NR2F1-AS1: variants seen among roughly 807,000 people sequenced by gnomAD.
NR2F1-AS1 encodes the protein NR2F1 regulatory antisense RNA 1, also known as NR2F1 antisense RNA 1.
chr5:93,523,418 G>A (rs1751545519), intron 4 of NR2F1-AS1, among the ~76,000 whole-genome samples: 3 of 152,204 alleles, frequency 2.0e-5, no homozygotes, highest in Non-Finnish European at 4.4e-5. Context: ...AGCTGTGGGT[G>A]CAGCTTCAGC....
intron 1 of NR2F1-AS1, among the ~76,000 whole-genome samples, chr5:93,572,206 T>C (rs1009323708): frequency 2.0e-5 from 3 of 152,200 alleles, no homozygotes; most frequent in Non-Finnish European, 4.4e-5. Context: ...CACGCGCACG[T>C]ACACACACTC....
At chr5:93,503,309 C>T (rs984700198) in intron 4 of NR2F1-AS1, among the ~76,000 whole-genome samples, 24 of 152,104 alleles carry the variant, frequency 1.6e-4, no homozygotes, top group African/African-American at 4.8e-4. Flanking sequence ...AACTGTTTCC[C>T]AGTAACCATA....
At chr5:93,572,010 A>C (rs566545997) in intron 1 of NR2F1-AS1, among the ~76,000 whole-genome samples, 1 of 152,288 alleles carries the variant, frequency 6.6e-6, no homozygotes, top group South Asian at 2.1e-4. Flanking sequence ...TGAGGAGAAA[A>C]CGGTAAGCGG....
At chr5:93,500,643 A>ATT (rs986230507) in intron 4 of NR2F1-AS1, among the ~76,000 whole-genome samples, 12 of 151,640 alleles carry the variant, frequency 7.9e-5, no homozygotes, top group African/African-American at 2.9e-4. Context: ...GTCTTACTAA[A>ATT]TTTTTTTTTC....
At chr5:93,420,458 T>C (rs542441587) in intron 4 of NR2F1-AS1, among the ~76,000 whole-genome samples, 16 of 152,256 alleles carry the variant, frequency 1.1e-4, no homozygotes, top group Admixed American at 3.3e-4. Context: ...TTAGCATATC[T>C]GGGGTGGCTG....
chr5:93,460,166 A>C (rs1580244098), intron 4 of NR2F1-AS1, among the ~76,000 whole-genome samples: 1 of 152,200 alleles, frequency 6.6e-6, no homozygotes, highest in East Asian at 1.9e-4. Flanking sequence ...AAGAAGATGC[A>C]AAGAAACAAC....
upstream of NR2F1-AS1, chr5:93,583,976 T>G (rs1200073234): frequency 6.6e-6 from 1 of 152,020 alleles, no homozygotes; most frequent in Non-Finnish European, 1.5e-5. Context: ...AAGTGTGTGA[T>G]CTTCCTCGCC....
intron 4 of NR2F1-AS1, among the ~76,000 whole-genome samples, chr5:93,548,493 T>A (rs1456334053): frequency 1.3e-5 from 2 of 152,172 alleles, no homozygotes; most frequent in East Asian, 3.8e-4. Flanking sequence ...TGGCATTATT[T>A]TACAGCTCCA....
chr5:93,425,044 T>A lies in NR2F1-AS1; in HGVS notation n.639-29502A>T, dbSNP rs1178826006. On this transcript the variant is annotated intron_variant and non_coding_transcript_variant, in intron 4 of 5. Coordinates refer to ENST00000660523, the Ensembl canonical transcript of NR2F1-AS1. ...GTACGCTACATATAAATTCTGTGTATCAGCTTTGCTGAAAAACAAAACACC... is the reference window on the plus strand; with the variant it reads ...GTACGCTACATATAAATTCTGTGTAACAGCTTTGCTGAAAAACAAAACACC... Among the ~76,000 whole-genome samples the A allele has an allele frequency of 2.0e-5, 3 of 152,212 alleles. No homozygotes were observed. In the East Asian group the frequency reaches 5.8e-4, roughly 29 times the overall value.
chr5:93,455,832 TACACACACACGCACACACACACACAC>T (rs940957984), intron 4 of NR2F1-AS1, among the ~76,000 whole-genome samples: 1 of 144,486 alleles, frequency 6.9e-6, no homozygotes, highest in Non-Finnish European at 1.5e-5. Flanking sequence ...CCATGTTAAC[TACACACACACGCACACACACACACAC>T]ACACACACCT....
chr5:93,565,820 T>C (rs777645219), intron 1 of NR2F1-AS1, among the ~76,000 whole-genome samples: 3 of 151,702 alleles, frequency 2.0e-5, no homozygotes, highest in Non-Finnish European at 2.9e-5. Context: ...AAAAAAAGCG[T>C]AATGTGCTAA....
chr5:93,558,389 C>T (rs374712117), intron 2 of NR2F1-AS1, among the ~76,000 whole-genome samples: 46 of 150,706 alleles, frequency 3.1e-4, no homozygotes, highest in East Asian at 1.2e-3. Flanking sequence ...GGTGCAATCT[C>T]GGCTCACTGC....
chr5:93,489,396 G>C (rs568987687), intron 4 of NR2F1-AS1, among the ~76,000 whole-genome samples: 2 of 151,970 alleles, frequency 1.3e-5, no homozygotes, highest in African/African-American at 4.8e-5. Context: ...TTTTTAGGAG[G>C]AAGGTATTTT....
chr5:93,502,355 C>A (rs1009681373), intron 4 of NR2F1-AS1, among the ~76,000 whole-genome samples: 3 of 152,134 alleles, frequency 2.0e-5, no homozygotes, highest in Admixed American at 2.0e-4. Flanking sequence ...ACATCTAACC[C>A]CCAAAAAAGG....
intron 4 of NR2F1-AS1, among the ~76,000 whole-genome samples, chr5:93,489,417 A>G (rs943852060): frequency 4.0e-5 from 6 of 150,138 alleles, no homozygotes; most frequent in Non-Finnish European, 7.4e-5. Context: ...TAATTAAGGT[A>G]TATATATATA....
chr5:93,581,712 CTCTCTCTCTCTCTCTCTCTCTCCCCCT>C (rs1753047422), upstream of NR2F1-AS1, among the ~76,000 whole-genome samples: 1 of 69,330 alleles, frequency 1.4e-5, no homozygotes, highest in African/African-American at 7.8e-5. Context: ...CTCTCTCTCT[CTCTCTCTCTCTCTCTCTCTCTCCCCCT>C]CTCCCTCTCC....
intron 4 of NR2F1-AS1, among the ~76,000 whole-genome samples, chr5:93,473,295 T>C (rs1750408831): frequency 6.6e-6 from 1 of 152,012 alleles, no homozygotes; most frequent in Non-Finnish European, 1.5e-5. Flanking sequence ...AATAAAGATA[T>C]GAATTATTCT....
At chr5:93,576,648 A>C (rs1258954866) in intron 1 of NR2F1-AS1, among the ~76,000 whole-genome samples, 1 of 152,182 alleles carries the variant, frequency 6.6e-6, no homozygotes, top group African/African-American at 2.4e-5. Flanking sequence ...AGTTTATCTC[A>C]TAGGCAGTAA....
At chr5:93,427,754 T>C (rs921622613) in intron 4 of NR2F1-AS1, among the ~76,000 whole-genome samples, 3 of 152,284 alleles carry the variant, frequency 2.0e-5, no homozygotes, top group Middle Eastern at 6.8e-3. Flanking sequence ...CACATGTAAA[T>C]TAAAAAAATA....
Sources: gnomAD v4.1 joint callset for allele counts (sites outside exome capture counted in the v4.1 genomes callset) on GRCh38, gnomAD v4.1.1 for gene constraint, MANE v1.5 for transcripts, NCBI Gene and HGNC (gene_info 2026-07-23, HGNC 2026-07-21) for gene names.